The following CIT variants were observed in gnomAD, a reference collection of about 807,000 sequenced individuals.
The protein encoded by CIT is citron Rho-interacting kinase.
In CIT, 79 loss-of-function variants were observed where a neutral mutation model predicts 272.7. The ratio of observed to expected loss-of-function variants is 0.29; its 90% CI spans 0.24 to 0.35. The LOEUF is 0.35. Ranked by LOEUF, CIT falls within the 10% of genes least tolerant of loss-of-function variation. The probability of loss-of-function intolerance (pLI) is 1.00; values close to 1 mark genes in which losing one functional copy is unlikely to be tolerated. For missense variants in CIT, 1,909 were observed against 2,618.3 expected (o/e 0.73, Z 5.91); for synonymous variants, 948 against 995.6 (o/e 0.95, Z 0.90).
At chr12:119,729,480 AT>A (rs1958312169) in intron 27 of CIT, among the ~76,000 whole-genome samples, 1 of 152,120 alleles carries the variant, frequency 6.6e-6, no homozygotes, top group African/African-American at 2.4e-5. Flanking sequence ...CATGCAATTT[AT>A]TTTTTTTAGA....
chr12:119,867,121 C>A (rs1950538124), intron 3 of CIT, among the ~76,000 whole-genome samples: 1 of 152,010 alleles, frequency 6.6e-6, no homozygotes, highest in African/African-American at 2.4e-5. Flanking sequence ...CAATCCTGGC[C>A]AATGTAATAC....
At chr12:119,735,070 T>C in intron 25 of CIT, 90 bp downstream of exon 25, 2 of 1,215,392 alleles carry the variant, frequency 1.6e-6, no homozygotes, top group Admixed American at 3.6e-5. Context: ...TGAGGTTCAG[T>C]GTTGGAACCC....
At chr12:119,721,470 G>T in intron 28 of CIT, 21 bp from the exon 29 acceptor site, 2 of 1,594,020 alleles carry the variant, frequency 1.3e-6, no homozygotes, top group Non-Finnish European at 1.7e-6. Flanking sequence ...GAAGGGCCAG[G>T]GAAATGCTTG....
chr12:119,771,304 G>A (rs926073016), intron 17 of CIT, among the ~76,000 whole-genome samples: 8 of 152,132 alleles, frequency 5.3e-5, no homozygotes, highest in African/African-American at 1.9e-4. Flanking sequence ...GCAGGAAAGA[G>A]GACTTTTAAT....
intron 10 of CIT, among the ~76,000 whole-genome samples, chr12:119,797,813 G>T (rs1245722907): frequency 6.6e-6 from 1 of 152,164 alleles, no homozygotes; most frequent in African/African-American, 2.4e-5. Flanking sequence ...TCTTCCACTG[G>T]TATCAGCCAT....
At chr12:119,803,432 A>C in intron 9 of CIT, 43 bp from the exon 10 acceptor site, 1 of 1,413,756 alleles carries the variant, frequency 7.1e-7, no homozygotes, top group Non-Finnish European at 9.6e-7. Flanking sequence ...AGGAAAAAAA[A>C]TTTCAGCCGG....
intron 29 of CIT, 31 bp from the exon 30 acceptor site, chr12:119,720,616 A>C (rs758553883): frequency 1.5e-4 from 219 of 1,469,972 alleles, no homozygotes; most frequent in Non-Finnish European, 1.9e-4. Flanking sequence ...CTAACCTCAA[A>C]TCCAGACAGA....
chr12:119,762,939 A>G (rs1961991793), intron 19 of CIT, among the ~76,000 whole-genome samples: 1 of 152,188 alleles, frequency 6.6e-6, no homozygotes, highest in Admixed American at 6.5e-5. Context: ...CCAGCTACTC[A>G]GGAGGATAAG....
intron 26 of CIT, among the ~76,000 whole-genome samples, chr12:119,731,815 TA>T (rs986028608): frequency 8.1e-4 from 2 of 2,464 alleles, no homozygotes; most frequent in Admixed American, 0.013. Flanking sequence ...CTCTCCTAAA[TA>T]TATATATATA....
Position 119,734,324 on chromosome 12 carries a change from G to T in CIT, c.3190C>A (p.Leu1064Met), listed in dbSNP as rs1216352571. 1 of 1,613,708 alleles carries T rather than the reference G, an allele frequency of 6.2e-7. No individual in the cohort carries two copies. Among genetic ancestry groups the T allele is most frequent in the East Asian group, 2.2e-5 (1 of 44,862 alleles). ...MEALKTTCTM[L>M]EEQVMDLEAL... The stretch of plus-strand genomic sequence containing the variant: ...TCCAAATCCATGACCTGTTCCTCCA[G>T]CATGGTGCACGTGGTCTTCAGAGCC... Residue 1064 changes from leucine (L) to methionine (M), a missense_variant, in exon 26 of 48, where the codon CTG (leucine) becomes ATG (methionine). Coordinates refer to ENST00000392521, the MANE Select transcript of CIT (RefSeq NM_001206999.2).
At position 119,713,556 on chromosome 12, in the gene CIT, A is replaced by C. The variant is rs1431628399; in HGVS notation, c.4399T>G (p.Phe1467Val). 3 of 1,614,226 alleles carry C rather than the reference A, an allele frequency of 1.9e-6. No homozygotes were observed. The East Asian group carries it at 6.7e-5, about 36-fold the overall frequency. The change falls in exon 34 of 48, where the codon TTC becomes GTC. Residue 1467 changes from phenylalanine (F) to valine (V), a missense_variant. Coordinates refer to ENST00000392521, the MANE Select transcript of CIT (RefSeq NM_001206999.2). This position sits in a 1 kb window ranked among gnomAD's most constrained non-coding sequence, Gnocchi z 5.2. ...GGGGAGTTCATTTTGTCACGGCAGA[A>C]GGCCTCGGTGAAGTGTGTGGCATAT... ...AEYATHFTEA[F>V]CRDKMNSPGL...
At chr12:119,779,750 C>T (rs928930379) in intron 13 of CIT, among the ~76,000 whole-genome samples, 1 of 152,168 alleles carries the variant, frequency 6.6e-6, no homozygotes, top group African/African-American at 2.4e-5. Flanking sequence ...GGGAGGAAGG[C>T]AGGAATCAGG....
At chr12:119,850,040 G>T in intron 5 of CIT, 134 bp downstream of exon 5, 1 of 724,294 alleles carries the variant, frequency 1.4e-6, no homozygotes, top group Admixed American at 2.2e-5. Context: ...GAGGAAACCA[G>T]GGAGACACCT....
At chr12:119,800,539 A>T (rs1437555402) in intron 10 of CIT, among the ~76,000 whole-genome samples, 1 of 152,196 alleles carries the variant, frequency 6.6e-6, no homozygotes, top group African/African-American at 2.4e-5. Context: ...ATTCAGCTCC[A>T]CCTCTGAACA....
intron 5 of CIT, among the ~76,000 whole-genome samples, chr12:119,839,955 T>C (rs894594441): frequency 6.6e-6 from 1 of 152,110 alleles, no homozygotes; most frequent in Non-Finnish European, 1.5e-5. Flanking sequence ...TAGCTACAGC[T>C]ATAGAACAAT....
At chr12:119,805,480 C>A (rs1037662037) in intron 9 of CIT, among the ~76,000 whole-genome samples, 1 of 152,226 alleles carries the variant, frequency 6.6e-6, no homozygotes, top group Non-Finnish European at 1.5e-5. Flanking sequence ...TAGGAGAGAA[C>A]CTGCAGGTCT....
At position 119,733,271 on chromosome 12, in the gene CIT, T is replaced by C. The variant is rs145534317; in HGVS notation, c.3350+893A>G. Among the ~76,000 whole-genome samples the C allele has an allele frequency of 5.9e-3, 887 of 151,374 alleles. 6 individuals are homozygous for C. Among genetic ancestry groups the C allele is most frequent in the African/African-American group, 0.02 (822 of 41,264 alleles). On this transcript the variant is annotated intron_variant, in intron 26 of 47. Coordinates refer to ENST00000392521, the MANE Select transcript of CIT (RefSeq NM_001206999.2). ...CCAGCCAGGTGTGGTGGCTCACGCT[T>C]GTAATCCCAGCACTCTGGGAGACCA... is the stretch of plus-strand genomic sequence containing the variant.
intron 4 of CIT, among the ~76,000 whole-genome samples, chr12:119,856,128 G>A (rs540247404): frequency 1.6e-4 from 25 of 152,118 alleles, no homozygotes; most frequent in Non-Finnish European, 3.4e-4. Flanking sequence ...CCTGCCCTCC[G>A]CTGCTTCTCT....
chr12:119,704,030 A>C (rs1956735818), intron 41 of CIT, among the ~76,000 whole-genome samples: 1 of 149,298 alleles, frequency 6.7e-6, no homozygotes, highest in South Asian at 2.1e-4. Flanking sequence ...CTAGGATCTT[A>C]GAAAGAGCCC....
Sources: allele counts gnomAD v4.1 joint callset (sites outside exome capture counted in the v4.1 genomes callset), GRCh38; gene constraint gnomAD v4.1.1; non-coding constraint Gnocchi (gnomAD v3.1); transcripts MANE v1.5; gene names NCBI Gene and HGNC (gene_info 2026-07-23, HGNC 2026-07-21).